SHTN1: variants seen among roughly 807,000 people sequenced by gnomAD.
The protein encoded by SHTN1 is shootin 1.
In SHTN1, 42 loss-of-function variants were observed where a neutral mutation model predicts 83.1. The observed-to-expected ratio is 0.51, with a 90% CI of 0.39 to 0.65. The LOEUF (loss-of-function observed/expected upper bound fraction) is 0.65. Among genes scored for constraint, SHTN1 ranks in the 30% least tolerant of loss-of-function variants. The pLI, the probability that SHTN1 is intolerant of heterozygous loss-of-function variation, is 0.00. For synonymous variants in SHTN1, 224 were observed against 247.7 expected, an observed-to-expected ratio of 0.90 and a Z score of 0.90; for missense variants, 622 against 737.8, an observed-to-expected ratio of 0.84 and a Z score of 1.82.
At chr10:117,036,852 T>C (rs1199538250) in intron 2 of SHTN1, among the ~76,000 whole-genome samples, 3 of 152,218 alleles carry the variant, frequency 2.0e-5, no homozygotes, top group South Asian at 4.1e-4. Flanking sequence ...AATGTGGCTA[T>C]TATGCATTAC....
At chr10:116,936,036 T>TC (rs1248859228) in intron 9 of SHTN1, among the ~76,000 whole-genome samples, 2 of 152,172 alleles carry the variant, frequency 1.3e-5, no homozygotes, top group East Asian at 3.8e-4. Flanking sequence ...TTTTACTGTG[T>TC]CTATTTGATT....
chr10:117,067,770 G>A (rs1222656464), intron 1 of SHTN1, among the ~76,000 whole-genome samples: 2 of 152,092 alleles, frequency 1.3e-5, no homozygotes, highest in African/African-American at 2.4e-5. Flanking sequence ...CAGGAAGGAT[G>A]GAAAGATAGA....
intron 2 of SHTN1, among the ~76,000 whole-genome samples, chr10:117,011,936 C>T (rs907693875): frequency 2.6e-5 from 4 of 151,896 alleles, no homozygotes; most frequent in African/African-American, 7.2e-5. Flanking sequence ...GTCAGGAGAT[C>T]GAGACAATCC....
chr10:117,092,210 C>A (rs1419980596), intron 1 of SHTN1, among the ~76,000 whole-genome samples: 3 of 152,192 alleles, frequency 2.0e-5, no homozygotes, highest in African/African-American at 7.2e-5. Flanking sequence ...GTTTACTGAA[C>A]TGATTTGAAG....
intron 14 of SHTN1, among the ~76,000 whole-genome samples, chr10:116,907,308 C>T (rs1302568331): frequency 6.6e-6 from 1 of 152,134 alleles, no homozygotes; most frequent in Non-Finnish European, 1.5e-5. Context: ...ATCTTGACTT[C>T]AGTATGAAAG....
In SHTN1 at chr10:117,106,912, A is replaced by T. The variant is rs1853678102; in HGVS notation, c.-189+19395T>A. 2.6e-5 allele frequency among the ~76,000 whole-genome samples: 4 copies of T among 152,060 alleles called. No homozygotes were observed. The South Asian group carries it at 8.3e-4, about 31-fold the overall frequency. ...ATCTCATTTTCCTCAACTGTAAAAT[A>T]AAAAAAATAAGGGTATCTATTTTGC... On this transcript the variant is annotated intron_variant, in intron 1 of 17. Transcript: ENST00000392901.
At chr10:116,920,904 A>G (rs1258558097) in intron 12 of SHTN1, among the ~76,000 whole-genome samples, 1 of 152,176 alleles carries the variant, frequency 6.6e-6, no homozygotes, top group Non-Finnish European at 1.5e-5. Flanking sequence ...ACAACTACTC[A>G]GCTTGAACAT....
Position 117,011,013 on chromosome 10 carries a change from G to A in SHTN1, c.-122-31705C>T, listed in dbSNP as rs538902707. Among the ~76,000 whole-genome samples, 92 of 152,264 alleles carry A rather than the reference G, an allele frequency of 6.0e-4. 2 individuals are homozygous for A. The South Asian group carries it at 0.018, about 30-fold the overall frequency. The stretch of plus-strand genomic sequence containing the variant: ...AAGCTTTCCCCCTGAAATTAGGAAC[G>A]AGACAAGAATATGTGCTTTCATCAC... On this transcript the variant is annotated intron_variant, in intron 2 of 17. Coordinates refer to the SHTN1 transcript ENST00000392901.
At chr10:117,108,713 T>G (rs935118404) in intron 1 of SHTN1, among the ~76,000 whole-genome samples, 3 of 148,168 alleles carry the variant, frequency 2.0e-5, no homozygotes, top group Admixed American at 1.3e-4. Context: ...TAATAATAAT[T>G]TAAAAACAAG....
At chr10:117,062,667 A>G (rs1354791567) in intron 1 of SHTN1, among the ~76,000 whole-genome samples, 2 of 152,192 alleles carry the variant, frequency 1.3e-5, no homozygotes, top group Non-Finnish European at 2.9e-5. Flanking sequence ...GTGTTATGAC[A>G]TGGTAGGTAT....
At chr10:116,906,772 A>T in intron 14 of SHTN1, 25 bp from the exon 15 acceptor site, 1 of 1,592,596 alleles carries the variant, frequency 6.3e-7, no homozygotes, top group Non-Finnish European at 8.6e-7. Context: ...AAACAAAAAC[A>T]AAAAGGTTAA....
chr10:117,087,089 A>AG (rs1230374588), intron 1 of SHTN1, among the ~76,000 whole-genome samples: 2 of 152,174 alleles, frequency 1.3e-5, no homozygotes, highest in Non-Finnish European at 2.9e-5. Context: ...GAGGTTACCA[A>AG]GGTTACCAGG....
intron 2 of SHTN1, among the ~76,000 whole-genome samples, chr10:117,045,470 A>G (rs1414599111): frequency 6.6e-6 from 1 of 152,186 alleles, no homozygotes; most frequent in African/African-American, 2.4e-5. Context: ...TCAGGGACCT[A>G]CTAATACAAG....
intron 16 of SHTN1, among the ~76,000 whole-genome samples, chr10:116,887,563 C>T (rs1174402560): frequency 6.6e-6 from 1 of 152,192 alleles, no homozygotes; most frequent in Non-Finnish European, 1.5e-5. Context: ...GCCCACTGCT[C>T]TACCAGCCCC....
At chr10:117,008,852 G>A (rs563332368), upstream of SHTN1, among the ~76,000 whole-genome samples, 43 of 152,322 alleles carry the variant, frequency 2.8e-4, no homozygotes, top group African/African-American at 9.6e-4. Context: ...TGTGGCTCAC[G>A]CCTGTAATCC....
chr10:116,942,365 A>AC (rs1379267946), intron 8 of SHTN1, among the ~76,000 whole-genome samples: 1 of 151,994 alleles, frequency 6.6e-6, no homozygotes, highest in Non-Finnish European at 1.5e-5. Context: ...GGTGCCTGCC[A>AC]CCATGCCTGG....
At chr10:117,090,803 AAGGAAGGAAGGAAGGAAAGGAG>A (rs1589928583) in intron 1 of SHTN1, among the ~76,000 whole-genome samples, 2 of 89,398 alleles carry the variant, frequency 2.2e-5, no homozygotes, top group East Asian at 3.4e-4. Context: ...GGAAGGAAGG[AAGGAAGGAAGGAAGGAAAGGAG>A]GGAGGGAGGG....
chr10:116,968,211 C>A (rs1435945713), intron 3 of SHTN1, among the ~76,000 whole-genome samples: 1 of 152,030 alleles, frequency 6.6e-6, no homozygotes, highest in Non-Finnish European at 1.5e-5. Context: ...AAACAAAAAA[C>A]TGATGTACAT....
intron 1 of SHTN1, among the ~76,000 whole-genome samples, chr10:117,082,491 G>A (rs1218930201): frequency 4.0e-5 from 6 of 151,746 alleles, no homozygotes; most frequent in Non-Finnish European, 7.4e-5. Flanking sequence ...GTGGTGTGGT[G>A]CTGAAAAAAA....
Sources: gnomAD v4.1 joint callset for allele counts (sites outside exome capture counted in the v4.1 genomes callset) on GRCh38, gnomAD v4.1.1 for gene constraint, MANE v1.5 for transcripts, NCBI Gene and HGNC (gene_info 2026-07-23, HGNC 2026-07-21) for gene names.